The following APPL1 variants were observed in gnomAD, a reference collection of about 807,000 sequenced individuals.
APPL1 encodes the protein adaptor protein, phosphotyrosine interacting with PH domain and leucine zipper 1, also known as DCC-interacting protein 13-alpha.
Under a neutral mutation model 106.8 loss-of-function variants are expected in APPL1, and 42 were observed. The ratio of observed to expected loss-of-function variants is 0.39; its 90% CI spans 0.31 to 0.51. The LOEUF (loss-of-function observed/expected upper bound fraction) is 0.51, where lower values mean the gene tolerates loss of function less well. APPL1 is among the 20% of genes least tolerant of loss of function. The pLI, the probability that APPL1 is intolerant of heterozygous loss-of-function variation, is 0.75. For synonymous variants in APPL1, 263 were observed against 281.8 expected, an observed-to-expected ratio of 0.93 and a Z score of 0.67; for missense variants, 769 against 858.2, an observed-to-expected ratio of 0.90 and a Z score of 1.30.
rs1177602938 is a variant in APPL1, at chr3:57,259,874, C to T, written c.1513C>T (p.Arg505Ter). Residue 505 changes from arginine (R) to a stop codon, truncating the protein, a stop_gained, in exon 17 of 22, where the codon CGA becomes TGA. Coordinates refer to ENST00000288266, the MANE Select transcript of APPL1 (RefSeq NM_012096.3). LOFTEE classifies it high-confidence loss of function. Reference protein sequence around the residue: ...DSILHQLFIVRFLGSMEVKSD... With the variant: ...DSILHQLFIV The stretch of plus-strand genomic sequence containing the variant: ...TATTCTTCATCAGTTATTTATTGTC[C>T]GATTCCTTGGTTCAATGGAGGTGAA... 2.1e-5 allele frequency: 34 copies of T among 1,606,652 alleles called. No individual in the cohort carries two copies. The highest frequency in any genetic ancestry group is 2.8e-5 in the Non-Finnish European group (33 of 1,178,072).
chr3:57,229,075 C>T (rs1412948834), intron 1 of APPL1, among the ~76,000 whole-genome samples: 8 of 152,206 alleles, frequency 5.3e-5, no homozygotes, highest in Non-Finnish European at 1.2e-4. Flanking sequence ...TCTTCACAGG[C>T]CAGTTGCCTG....
At position 57,249,457 on chromosome 3, in the gene APPL1, C is replaced by T; in HGVS notation, c.961C>T (p.Leu321=). Residue 321 remains leucine (L), a synonymous_variant, in exon 11 of 22, where the codon CTG becomes TTG. Coordinates refer to ENST00000288266, the MANE Select transcript of APPL1 (RefSeq NM_012096.3). ...SQARGDVAGG[L]AMDIDNCSVM... ...GGCCCGTGGGGATGTAGCAGGAGGC[C>T]TGGCCATGGACATAGACAACTGTTC... 4 of 1,614,128 alleles carry T rather than the reference C, an allele frequency of 2.5e-6. No homozygotes were observed. The highest frequency in any genetic ancestry group is 3.4e-6 in the Non-Finnish European group (4 of 1,180,024).
chr3:57,253,868 T>TC, intron 13 of APPL1, 130 bp downstream of exon 13: 1 of 779,062 alleles, frequency 1.3e-6, no homozygotes, highest in East Asian at 4.6e-5. Context: ...GTAGCTTTTT[T>TC]TTTTTTTTTT....
chr3:57,259,861 GTTA>G lies in APPL1; in HGVS notation c.1503_1505del (p.Leu501del). 1 of 1,601,092 alleles carries G rather than the reference GTTA, an allele frequency of 6.2e-7. No individual in the cohort carries two copies. Among genetic ancestry groups the G allele is most frequent in the Non-Finnish European group, 8.5e-7 (1 of 1,175,928 alleles). On this transcript the variant is annotated inframe_deletion, in exon 17 of 22. Transcript: ENST00000288266. ...CTATTATAGATTCTATTCTTCATCA[GTTA>G]TTTATTGTCCGATTCCTTGGTTCAA...
intron 6 of APPL1, 88 bp downstream of exon 6, chr3:57,242,230 GAA>G (rs11346575): frequency 6.4e-6 from 6 of 943,410 alleles, no homozygotes; most frequent in South Asian, 1.9e-5. Context: ...TGTAATAATT[GAA>G]AAAAAACCAA....
intron 6 of APPL1, among the ~76,000 whole-genome samples, chr3:57,242,378 A>G (rs2060751284): frequency 6.6e-6 from 1 of 152,092 alleles, no homozygotes; most frequent in Non-Finnish European, 1.5e-5. Context: ...GAGGTAGTGT[A>G]ATATTTTACC....
At chr3:57,234,281 A>G (rs1579379520) in intron 1 of APPL1, among the ~76,000 whole-genome samples, 1 of 147,210 alleles carries the variant, frequency 6.8e-6, no homozygotes, top group South Asian at 2.1e-4. Flanking sequence ...TCTTTGACAA[A>G]TTTTTATTGA....
At chr3:57,268,159 C>A (rs1397919409) in intron 20 of APPL1, 6 of 486,046 alleles carry the variant, frequency 1.2e-5, no homozygotes, top group Non-Finnish European at 2.2e-5. Flanking sequence ...TATATTAGCT[C>A]TTTCATATTA....
intron 19 of APPL1, among the ~76,000 whole-genome samples, chr3:57,262,813 G>GGT (rs4060605): frequency 0.02 from 2,847 of 142,652 alleles, 61 homozygotes; most frequent in African/African-American, 0.054. Context: ...GGGTACAAGG[G>GGT]GTGTGTGTGT....
intron 17 of APPL1, 45 bp downstream of exon 17, chr3:57,260,064 A>G: frequency 6.2e-7 from 1 of 1,607,820 alleles, no homozygotes; most frequent in South Asian, 1.1e-5. Flanking sequence ...AAACATTTAC[A>G]TGATTTCAGC....
At position 57,272,847 on chromosome 3, in the gene APPL1, C is replaced by T. The variant is rs558379620; in HGVS notation, c.*3160C>T. On this transcript the variant is annotated 3_prime_UTR_variant, in exon 22 of 22. Coordinates refer to ENST00000288266, the MANE Select transcript of APPL1 (RefSeq NM_012096.3). The stretch of plus-strand genomic sequence containing the variant: ...ATCTCCTGACCTCATGATCCGCCCG[C>T]CTCGGCCTCCCAAAGTGCTGGGATT... 5 of 152,250 alleles carry T rather than the reference C, an allele frequency of 3.3e-5. No homozygotes were observed. Among genetic ancestry groups the T allele is most frequent in the Non-Finnish European group, 7.3e-5 (5 of 68,060 alleles). 9.4% of individuals were successfully genotyped at this position (152,250 alleles called of 1,614,324 possible).
At chr3:57,236,569 C>G (rs2060717863) in intron 2 of APPL1, among the ~76,000 whole-genome samples, 1 of 152,200 alleles carries the variant, frequency 6.6e-6, no homozygotes, top group African/African-American at 2.4e-5. Context: ...CTCAGGTGAT[C>G]TGCCCGCCTC....
At chr3:57,258,063 C>T (rs1479705390) in intron 15 of APPL1, among the ~76,000 whole-genome samples, 1 of 152,184 alleles carries the variant, frequency 6.6e-6, no homozygotes, top group Admixed American at 6.5e-5. Flanking sequence ...ATACACTTAG[C>T]ATTTGATGTA....
Position 57,236,393 on chromosome 3 carries a change from A to G in APPL1, c.153+729A>G, listed in dbSNP as rs190730417. On this transcript the variant is annotated intron_variant, in intron 2 of 21. Transcript: ENST00000288266. ...TCCCAGGCTGGAGTGCAATGGTGCA[A>G]TCTCAGCTCACTGCACCCTCCACCT... Among the ~76,000 whole-genome samples, 706 of 148,358 alleles carry G rather than the reference A, an allele frequency of 4.8e-3. 5 individuals are homozygous for G. The highest frequency in any genetic ancestry group is 0.017 in the African/African-American group (678 of 39,996).
chr3:57,250,968 C>T (rs543349903), intron 11 of APPL1, among the ~76,000 whole-genome samples: 26 of 149,206 alleles, frequency 1.7e-4, no homozygotes, highest in Non-Finnish European at 2.4e-4. Flanking sequence ...CTACCACGCC[C>T]GGCTAATTTT....
chr3:57,241,746 A>G (rs2060747658), intron 5 of APPL1, among the ~76,000 whole-genome samples: 1 of 152,214 alleles, frequency 6.6e-6, no homozygotes, highest in African/African-American at 2.4e-5. Context: ...CTTATTAATG[A>G]GATGTTTTGT....
At chr3:57,254,720 G>C (rs755444952) in intron 13 of APPL1, among the ~76,000 whole-genome samples, 1 of 152,340 alleles carries the variant, frequency 6.6e-6, no homozygotes, top group Non-Finnish European at 1.5e-5. Context: ...TGCCTCCCGG[G>C]TTCAAGCGAT....
intron 1 of APPL1, among the ~76,000 whole-genome samples, chr3:57,235,104 A>G (rs2060709483): frequency 6.6e-6 from 1 of 152,224 alleles, no homozygotes; most frequent in Non-Finnish European, 1.5e-5. Context: ...TATGCTGAAG[A>G]GTCGGCCATG....
At chr3:57,237,729 GTTTAC>G (rs1348652864) in intron 3 of APPL1, among the ~76,000 whole-genome samples, 178 bp downstream of exon 3, 1 of 152,122 alleles carries the variant, frequency 6.6e-6, no homozygotes, top group Non-Finnish European at 1.5e-5. Context: ...AGGCTATCTA[GTTTAC>G]TTGTTTTCTT....
Sources: allele counts gnomAD v4.1 joint callset (sites outside exome capture counted in the v4.1 genomes callset), GRCh38; gene constraint gnomAD v4.1.1; transcripts MANE v1.5; gene names NCBI Gene and HGNC (gene_info 2026-07-23, HGNC 2026-07-21).